SMOC1: variants seen among roughly 807,000 people sequenced by gnomAD.
SMOC1 encodes the protein SPARC related modular calcium binding 1.
A neutral mutation model predicts 56.3 loss-of-function variants in SMOC1; 22 were observed. That is an observed-to-expected ratio of 0.39 (90% CI 0.28 to 0.56). The LOEUF is 0.56. Among genes scored for constraint, SMOC1 ranks in the 20% least tolerant of loss-of-function variants. The pLI, the probability that SMOC1 is intolerant of heterozygous loss-of-function variation, is 0.61. For synonymous variants in SMOC1, 193 were observed against 215.0 expected (o/e 0.90, Z 0.89); for missense variants, 509 against 565.4 (o/e 0.90, Z 1.01).
At position 69,942,093 on chromosome 14, in the gene SMOC1, A is replaced by G. The variant is rs375310800; in HGVS notation, c.100-10045A>G. Among the ~76,000 whole-genome samples the G allele has an allele frequency of 1.3e-3, 195 of 151,756 alleles. 1 individual carries two copies. In the South Asian group the frequency reaches 0.034, roughly 26 times the overall value. On this transcript the variant is annotated intron_variant, in intron 1 of 11. Coordinates refer to ENST00000361956, the MANE Select transcript of SMOC1 (RefSeq NM_001034852.3). ...TTGCTGTGACCATCTCACATCTTGG[A>G]TTGTCTGGCATCCCATTTTCCCATA...
chr14:70,018,625 C>A (rs977290265), intron 10 of SMOC1, among the ~76,000 whole-genome samples: 2 of 152,212 alleles, frequency 1.3e-5, no homozygotes, highest in Non-Finnish European at 2.9e-5. Flanking sequence ...ATTTATCAGT[C>A]CCAAAGGAAG....
intron 5 of SMOC1, among the ~76,000 whole-genome samples, chr14:69,984,128 C>T (rs928217309): frequency 7.9e-5 from 12 of 152,082 alleles, no homozygotes; most frequent in Non-Finnish European, 7.4e-5. Context: ...GTAACAGATG[C>T]ATGAATCAAT....
chr14:69,975,963 C>A, intron 4 of SMOC1, 149 bp downstream of exon 4: 1 of 679,786 alleles, frequency 1.5e-6, no homozygotes, highest in Non-Finnish European at 2.7e-6. Flanking sequence ...AACATGCTTG[C>A]TCGGAAGTCA....
intron 3 of SMOC1, among the ~76,000 whole-genome samples, chr14:69,959,502 A>G (rs1883297845): frequency 6.6e-6 from 1 of 152,262 alleles, no homozygotes; most frequent in South Asian, 2.1e-4. Context: ...TTCTGTGTGG[A>G]AAAAAATGTG....
chr14:70,015,375 C>T (rs913814697), intron 10 of SMOC1, among the ~76,000 whole-genome samples: 1 of 151,934 alleles, frequency 6.6e-6, no homozygotes, highest in Admixed American at 6.6e-5. Flanking sequence ...TTATAGTTAA[C>T]AGCACGGTGC....
intron 7 of SMOC1, among the ~76,000 whole-genome samples, chr14:70,003,031 A>G (rs563227070): frequency 7.2e-4 from 110 of 151,912 alleles, no homozygotes; most frequent in African/African-American, 2.1e-3. Flanking sequence ...CCGACACCAC[A>G]CTCTCACATG....
At chr14:69,935,163 A>G (rs1375694609) in intron 1 of SMOC1, among the ~76,000 whole-genome samples, 1 of 152,124 alleles carries the variant, frequency 6.6e-6, no homozygotes. Flanking sequence ...CTAAAATATA[A>G]TTTTTAAGGC....
rs147477130 is a variant in SMOC1 at position 69,971,775 on chromosome 14, G to T, written c.379-3940G>T. 2.0e-5 allele frequency among the ~76,000 whole-genome samples: 3 copies of T among 152,288 alleles called. No homozygotes were observed. The East Asian group carries it at 5.8e-4, about 29-fold the overall frequency. Reference sequence around the variant, plus strand: ...CCCTGATCGCTTTTCTGCAAGAAACGTTTCTCTCCTCTGCTGGCAATAGAA... The same window carrying T: ...CCCTGATCGCTTTTCTGCAAGAAACTTTTCTCTCCTCTGCTGGCAATAGAA... On this transcript the variant is annotated intron_variant, in intron 3 of 11. Coordinates refer to ENST00000361956, the MANE Select transcript of SMOC1 (RefSeq NM_001034852.3).
intron 10 of SMOC1, among the ~76,000 whole-genome samples, chr14:70,021,291 A>C (rs77884115): frequency 0.022 from 3,385 of 152,294 alleles, 57 homozygotes; most frequent in Middle Eastern, 0.085. Context: ...GCACCAATAG[A>C]ATTCCAACAA....
At chr14:69,950,258 G>A (rs1882945530) in intron 1 of SMOC1, among the ~76,000 whole-genome samples, 2 of 152,204 alleles carry the variant, frequency 1.3e-5, no homozygotes, top group African/African-American at 2.4e-5. Context: ...CCAGTCCCAA[G>A]GAGGGACTGG....
intron 5 of SMOC1, among the ~76,000 whole-genome samples, chr14:69,983,547 G>A (rs893831454): frequency 6.6e-6 from 1 of 152,224 alleles, no homozygotes; most frequent in African/African-American, 2.4e-5. Flanking sequence ...TGCAGGGGAG[G>A]GAAGGCAGGT....
chr14:69,912,438 G>C (rs1884577770), intron 1 of SMOC1, among the ~76,000 whole-genome samples: 1 of 152,130 alleles, frequency 6.6e-6, no homozygotes, highest in Non-Finnish European at 1.5e-5. Context: ...TTTTTGTAGA[G>C]CCGGTGTTTT....
intron 3 of SMOC1, among the ~76,000 whole-genome samples, 179 bp downstream of exon 3, chr14:69,953,711 C>T (rs1157304872): frequency 1.3e-5 from 2 of 152,216 alleles, no homozygotes; most frequent in Non-Finnish European, 2.9e-5. Flanking sequence ...CTCCATGCCA[C>T]CTCTTGCCAA....
intron 5 of SMOC1, among the ~76,000 whole-genome samples, chr14:69,984,366 A>G (rs1048176753): frequency 6.6e-5 from 10 of 152,246 alleles, no homozygotes; most frequent in Admixed American, 5.2e-4. Context: ...CACCAAAAAC[A>G]TAATCTAGAA....
intron 1 of SMOC1, among the ~76,000 whole-genome samples, chr14:69,937,124 T>C (rs1885315694): frequency 6.6e-6 from 1 of 152,212 alleles, no homozygotes; most frequent in Non-Finnish European, 1.5e-5. Context: ...TCCCGTTCTT[T>C]GAGAGTGTGC....
In SMOC1 at chr14:69,960,046, G is replaced by A. The variant is rs532115478; in HGVS notation, c.378+6514G>A. Among the ~76,000 whole-genome samples the A allele has an allele frequency of 6.6e-5, 10 of 152,232 alleles. No homozygotes were observed. In the South Asian group the frequency reaches 1.2e-3, roughly 19 times the overall value. ...TGCCCTGGGAACACCTTGGTTTACC[G>A]TCTGGTTTTTCTTCTTTCACATTCC... On this transcript the variant is annotated intron_variant, in intron 3 of 11. Coordinates refer to ENST00000361956, the MANE Select transcript of SMOC1 (RefSeq NM_001034852.3).
At chr14:69,986,210 A>T (rs992611554) in intron 5 of SMOC1, among the ~76,000 whole-genome samples, 5 of 152,250 alleles carry the variant, frequency 3.3e-5, no homozygotes, top group African/African-American at 4.8e-5. Context: ...TGACAGCATT[A>T]TAGAGATGGA....
intron 1 of SMOC1, among the ~76,000 whole-genome samples, chr14:69,910,375 G>A (rs573477350): frequency 6.6e-6 from 1 of 152,214 alleles, no homozygotes; most frequent in Admixed American, 6.5e-5. Context: ...AGCACAGCAA[G>A]ATTCAGGTCA....
At position 69,913,282 on chromosome 14, in the gene SMOC1, T is replaced by C. The variant is rs1884601960; in HGVS notation, c.99+33505T>C. On this transcript the variant is annotated intron_variant, in intron 1 of 11. Coordinates refer to ENST00000361956, the MANE Select transcript of SMOC1 (RefSeq NM_001034852.3). ...GAACATGGTACATTTTCCACTGATA[T>C]CCAGTGTTCTATGTACTCTTATACA... Among the ~76,000 whole-genome samples, 4 of 152,326 alleles carry C rather than the reference T, an allele frequency of 2.6e-5. No individual in the cohort carries two copies. The South Asian group carries it at 8.3e-4, about 32-fold the overall frequency.
Sources: allele counts gnomAD v4.1 joint callset (sites outside exome capture counted in the v4.1 genomes callset), GRCh38; gene constraint gnomAD v4.1.1; transcripts MANE v1.5; gene names NCBI Gene and HGNC (gene_info 2026-07-23, HGNC 2026-07-21).